EEF1AKMT2: variants seen among roughly 807,000 people sequenced by gnomAD.
EEF1AKMT2 encodes EEF1A lysine methyltransferase 2.
In EEF1AKMT2, 32 loss-of-function variants were observed where a neutral mutation model predicts 35.8. The ratio of observed to expected loss-of-function variants is 0.89; its 90% CI spans 0.67 to 1.20. The LOEUF is 1.20. EEF1AKMT2 is among the 50% of genes most tolerant of loss of function. The probability of loss-of-function intolerance (pLI) is 0.00; values close to 1 mark genes in which losing one functional copy is unlikely to be tolerated. For synonymous variants in EEF1AKMT2, 121 were observed against 133.7 expected (o/e 0.91, Z 0.65); for missense variants, 330 against 347.5 (o/e 0.95, Z 0.40).
At chr10:124,787,954 TATTCC>T (rs1950601350) in intron 3 of EEF1AKMT2, among the ~76,000 whole-genome samples, 1 of 152,200 alleles carries the variant, frequency 6.6e-6, no homozygotes, top group Non-Finnish European at 1.5e-5. Flanking sequence ...CTTCTAATCA[TATTCC>T]ACTACTAAAA....
chr10:124,783,868 A>C (rs1950563427), intron 3 of EEF1AKMT2, among the ~76,000 whole-genome samples: 1 of 152,108 alleles, frequency 6.6e-6, no homozygotes, highest in African/African-American at 2.4e-5. Flanking sequence ...CTAGTTGCCC[A>C]GGCTGGAGTG....
intron 4 of EEF1AKMT2, among the ~76,000 whole-genome samples, chr10:124,770,112 G>A (rs543538073): frequency 5.3e-5 from 8 of 151,772 alleles, no homozygotes; most frequent in East Asian, 1.9e-4. Context: ...ATGAAATCTC[G>A]TCTCTACTAA....
intron 3 of EEF1AKMT2, among the ~76,000 whole-genome samples, chr10:124,785,895 C>CAAAAAAAA (rs34637624): frequency 1.7e-5 from 1 of 59,472 alleles, no homozygotes; most frequent in South Asian, 9.1e-4. Context: ...GACTCTGTCT[C>CAAAAAAAA]AAAAAAAAAA....
At chr10:124,781,877 T>C (rs1293527660) in intron 3 of EEF1AKMT2, among the ~76,000 whole-genome samples, 4 of 152,154 alleles carry the variant, frequency 2.6e-5, no homozygotes, top group African/African-American at 4.8e-5. Flanking sequence ...TATTATCTAA[T>C]GGAATTTTCA....
chr10:124,772,717 T>C (rs1216426264), intron 4 of EEF1AKMT2, among the ~76,000 whole-genome samples: 1 of 152,174 alleles, frequency 6.6e-6, no homozygotes, highest in Non-Finnish European at 1.5e-5. Flanking sequence ...CGTGAGCCAC[T>C]GTGTCCAGCC....
intron 5 of EEF1AKMT2, among the ~76,000 whole-genome samples, chr10:124,764,200 T>TTG (rs942947054): frequency 7.9e-5 from 12 of 152,128 alleles, no homozygotes; most frequent in Admixed American, 7.9e-4. Context: ...TTCCATTAGC[T>TTG]TGTGACAACT....
intron 3 of EEF1AKMT2, among the ~76,000 whole-genome samples, chr10:124,787,388 G>A (rs1313671912): frequency 2.9e-5 from 4 of 136,318 alleles, no homozygotes; most frequent in African/African-American, 1.1e-4. Context: ...AGCCAAGATC[G>A]TGAGACTGCA....
chr10:124,790,467 TAC>T (rs978522734), intron 1 of EEF1AKMT2, 129 bp from the exon 2 acceptor site: 5 of 675,138 alleles, frequency 7.4e-6, no homozygotes, highest in Non-Finnish European at 1.3e-5. Context: ...TATTAATAAA[TAC>T]ACATAGTTCA....
Position 124,782,476 on chromosome 10 carries a change from G to A in EEF1AKMT2, c.291+6567C>T, listed in dbSNP as rs900834189. On this transcript the variant is annotated intron_variant, in intron 3 of 6. Transcript: ENST00000368836. ...GGGCGCCTGTAGTCCCAGCTACTCG[G>A]GAGGCTGAGGCAGGAGAATGGCGTG... Among the ~76,000 whole-genome samples the A allele has an allele frequency of 5.9e-5, 9 of 151,646 alleles. No individual in the cohort carries two copies. In the East Asian group the frequency reaches 1.5e-3, roughly 26 times the overall value.
intron 1 of EEF1AKMT2, among the ~76,000 whole-genome samples, chr10:124,790,563 C>T (rs1950625517): frequency 6.6e-6 from 1 of 152,050 alleles, no homozygotes; most frequent in Non-Finnish European, 1.5e-5. Context: ...GCATTTAGGA[C>T]AATATCTGAT....
intron 2 of EEF1AKMT2, 150 bp downstream of exon 2, chr10:124,790,123 G>C (rs965591524): frequency 3.4e-6 from 2 of 580,460 alleles, no homozygotes; most frequent in Non-Finnish European, 6.3e-6. Flanking sequence ...TCTATCTCCT[G>C]ACCTCGTGAT....
chr10:124,760,861 GT>G (rs1232587852), intron 6 of EEF1AKMT2, among the ~76,000 whole-genome samples: 1 of 152,156 alleles, frequency 6.6e-6, no homozygotes, highest in Non-Finnish European at 1.5e-5. Context: ...CATGTGTCGA[GT>G]TTTTTTGTTT....
At chr10:124,771,462 T>C (rs561858032) in intron 4 of EEF1AKMT2, among the ~76,000 whole-genome samples, 30 of 152,188 alleles carry the variant, frequency 2.0e-4, no homozygotes, top group African/African-American at 7.2e-4. Flanking sequence ...ATCTATGACA[T>C]CCATAGCCTT....
At chr10:124,763,900 A>C (rs1950354137) in intron 5 of EEF1AKMT2, among the ~76,000 whole-genome samples, 5 of 152,204 alleles carry the variant, frequency 3.3e-5, no homozygotes, top group Admixed American at 3.3e-4. Context: ...TTAACATGGA[A>C]GATAATAAAA....
At chr10:124,764,303 C>CAA (rs71893253) in intron 5 of EEF1AKMT2, among the ~76,000 whole-genome samples, 6 of 127,580 alleles carry the variant, frequency 4.7e-5, no homozygotes, top group Admixed American at 1.5e-4. Flanking sequence ...AGTGCAGGAT[C>CAA]AAAAAAAAAA....
chr10:124,791,219 G>C (rs765209321), intron 1 of EEF1AKMT2, among the ~76,000 whole-genome samples: 1 of 152,014 alleles, frequency 6.6e-6, no homozygotes, highest in African/African-American at 2.4e-5. Context: ...GCGTCTGTTT[G>C]AGGTCAGATC....
chr10:124,790,096 T>C (rs1950621239), intron 2 of EEF1AKMT2, among the ~76,000 whole-genome samples, 177 bp downstream of exon 2: 1 of 152,166 alleles, frequency 6.6e-6, no homozygotes, highest in African/African-American at 2.4e-5. Flanking sequence ...GGTTTCACCA[T>C]GTCGGCCAGG....
chr10:124,765,855 A>T, intron 4 of EEF1AKMT2: 1 of 364,940 alleles, frequency 2.7e-6, no homozygotes. Flanking sequence ...TTTGGAAACA[A>T]ATCAAAGCTA....
chr10:124,765,679 G>T, intron 4 of EEF1AKMT2, 71 bp from the exon 5 acceptor site: 2 of 1,139,836 alleles, frequency 1.8e-6, no homozygotes, highest in Non-Finnish European at 2.5e-6. Flanking sequence ...GTGACAACCT[G>T]TAAAAGGTTA....
Sources: gnomAD v4.1 joint callset for allele counts (sites outside exome capture counted in the v4.1 genomes callset) on GRCh38, gnomAD v4.1.1 for gene constraint, MANE v1.5 for transcripts, NCBI Gene and HGNC (gene_info 2026-07-23, HGNC 2026-07-21) for gene names.